The following ACTR3B variants were observed in gnomAD, a reference collection of about 807,000 sequenced individuals.
ACTR3B encodes actin related protein 3B.
In ACTR3B, 8 loss-of-function variants were observed where a neutral mutation model predicts 59.0. The ratio of observed to expected loss-of-function variants is 0.14; its 90% confidence interval spans 0.08 to 0.24. The LOEUF is 0.24. Ranked by LOEUF, ACTR3B falls within the 10% of genes least tolerant of loss-of-function variation. The pLI, the probability that ACTR3B is intolerant of heterozygous loss-of-function variation, is 1.00. For missense variants in ACTR3B, 245 were observed against 552.3 expected, an observed-to-expected ratio of 0.44 and a Z score of 5.58; for synonymous variants, 148 against 197.9, an observed-to-expected ratio of 0.75 and a Z score of 2.12.
intron 2 of ACTR3B, among the ~76,000 whole-genome samples, chr7:152,792,852 T>G (rs1268346431): frequency 3.9e-5 from 6 of 152,140 alleles, no homozygotes; most frequent in Non-Finnish European, 7.3e-5. Context: ...GTTGACAAAT[T>G]GTGTTAGTTT....
At chr7:152,834,354 A>G (rs942891275) in intron 9 of ACTR3B, among the ~76,000 whole-genome samples, 26 of 152,204 alleles carry the variant, frequency 1.7e-4, no homozygotes, top group Non-Finnish European at 3.2e-4. Context: ...GGGTTTCGCC[A>G]TGTTGGCCAG....
chr7:152,791,885 AC>A (rs1284127438), intron 2 of ACTR3B, among the ~76,000 whole-genome samples: 1 of 152,084 alleles, frequency 6.6e-6, no homozygotes, highest in East Asian at 1.9e-4. Flanking sequence ...TAATGCTACT[AC>A]TCATACAGTG....
chr7:152,851,055 A>G (rs1798763371), intron 9 of ACTR3B, among the ~76,000 whole-genome samples: 2 of 152,248 alleles, frequency 1.3e-5, no homozygotes, highest in Admixed American at 6.5e-5. Context: ...ATATGATTCA[A>G]GACCTCCAGT....
chr7:152,818,783 T>A (rs1379019133), intron 6 of ACTR3B, among the ~76,000 whole-genome samples: 2 of 152,262 alleles, frequency 1.3e-5, no homozygotes, highest in African/African-American at 4.8e-5. Context: ...TGCTCACGCA[T>A]GCGTGCACAC....
chr7:152,779,880 C>T (rs2098146246), intron 1 of ACTR3B, among the ~76,000 whole-genome samples: 1 of 152,038 alleles, frequency 6.6e-6, no homozygotes, highest in Admixed American at 6.6e-5. Context: ...TATGATTATT[C>T]AAAGTAACAA....
intron 1 of ACTR3B, among the ~76,000 whole-genome samples, chr7:152,780,110 T>C (rs1484127599): frequency 6.6e-6 from 1 of 152,184 alleles, no homozygotes; most frequent in Non-Finnish European, 1.5e-5. Flanking sequence ...CCCAGCACTT[T>C]GGGAGGCTGA....
intron 1 of ACTR3B, among the ~76,000 whole-genome samples, chr7:152,779,903 A>G (rs1590225193): frequency 2.6e-5 from 4 of 152,338 alleles, no homozygotes; most frequent in Admixed American, 2.6e-4. Flanking sequence ...CTTCAAGTGC[A>G]TTTGATACTA....
rs141041141 is a variant in ACTR3B at position 152,853,450 on chromosome 7, G to A, written c.1078-44G>A. On this transcript the variant is annotated intron_variant, in intron 10 of 11. Transcript: ENST00000256001. ...CAGCCGGGGGATGATTAGATCACATGTGTCTGTGGGTGTGGGGTAAGTGAG... is the reference window on the plus strand; with the variant it reads ...CAGCCGGGGGATGATTAGATCACATATGTCTGTGGGTGTGGGGTAAGTGAG... The A allele has an allele frequency of 3.2e-6, 5 of 1,576,050 alleles. No individual in the cohort carries two copies. The African/African-American group carries it at 5.4e-5, about 17-fold the overall frequency.
At chr7:152,822,172 G>T (rs1263144879) in intron 7 of ACTR3B, among the ~76,000 whole-genome samples, 1 of 152,178 alleles carries the variant, frequency 6.6e-6, no homozygotes, top group African/African-American at 2.4e-5. Context: ...TTAAAATTCC[G>T]CTAGAGTATA....
intron 7 of ACTR3B, among the ~76,000 whole-genome samples, chr7:152,822,778 G>A (rs1261439738): frequency 1.3e-5 from 2 of 152,256 alleles, no homozygotes; most frequent in Non-Finnish European, 2.9e-5. Context: ...GCAAAGAGAT[G>A]GTGTCAGTGG....
chr7:152,771,815 C>A (rs1315157278), intron 1 of ACTR3B, among the ~76,000 whole-genome samples: 2 of 152,142 alleles, frequency 1.3e-5, no homozygotes, highest in Non-Finnish European at 2.9e-5. Context: ...GTGGCTCGTG[C>A]CTATAATCCC....
intron 7 of ACTR3B, among the ~76,000 whole-genome samples, chr7:152,822,700 C>CCTAG (rs1375295794): frequency 1.2e-4 from 19 of 152,222 alleles, no homozygotes; most frequent in African/African-American, 4.3e-4. Flanking sequence ...ATCCCAAGTG[C>CCTAG]CTAGACAATA....
chr7:152,780,202 T>A (rs2098147438), intron 1 of ACTR3B, among the ~76,000 whole-genome samples: 1 of 151,852 alleles, frequency 6.6e-6, no homozygotes, highest in African/African-American at 2.4e-5. Flanking sequence ...AATACAAAAA[T>A]TAGCCGGGTG....
chr7:152,808,923 G>A (rs184306240), intron 4 of ACTR3B, among the ~76,000 whole-genome samples: 2 of 152,220 alleles, frequency 1.3e-5, no homozygotes, highest in African/African-American at 2.4e-5. Flanking sequence ...TTTTCAGATC[G>A]ACAGGAGGTA....
intron 9 of ACTR3B, among the ~76,000 whole-genome samples, chr7:152,851,073 T>C (rs1268084646): frequency 2.6e-5 from 4 of 152,240 alleles, no homozygotes; most frequent in Non-Finnish European, 5.9e-5. Flanking sequence ...AGTGGGTGCC[T>C]GAAACTGCAA....
intron 7 of ACTR3B, among the ~76,000 whole-genome samples, chr7:152,822,713 T>C (rs1352614421): frequency 6.6e-6 from 1 of 152,252 alleles, no homozygotes; most frequent in Non-Finnish European, 1.5e-5. Context: ...AGACAATAAA[T>C]CTGTGTTGAT....
At chr7:152,795,791 C>CT (rs1238245623) in intron 2 of ACTR3B, among the ~76,000 whole-genome samples, 1 of 151,358 alleles carries the variant, frequency 6.6e-6, no homozygotes, top group Non-Finnish European at 1.5e-5. Flanking sequence ...CCGTGCAACT[C>CT]TGTCTGAAGT....
chr7:152,840,587 C>G (rs1212067846), intron 9 of ACTR3B, among the ~76,000 whole-genome samples: 1 of 147,350 alleles, frequency 6.8e-6, no homozygotes, highest in South Asian at 2.2e-4. Context: ...TCCGAACGCC[C>G]TGTCAGGAAA....
At chr7:152,763,998 C>G (rs2098099618) in intron 1 of ACTR3B, among the ~76,000 whole-genome samples, 1 of 151,804 alleles carries the variant, frequency 6.6e-6, no homozygotes, top group Non-Finnish European at 1.5e-5. Context: ...CTCCCATGTT[C>G]TTTATTTTTT....
Sources: allele counts gnomAD v4.1 joint callset (sites outside exome capture counted in the v4.1 genomes callset), GRCh38; gene constraint gnomAD v4.1.1; transcripts MANE v1.5; gene names NCBI Gene and HGNC (gene_info 2026-07-23, HGNC 2026-07-21).